Variants in JAM3 observed in about 807,000 individuals in gnomAD.
JAM3 encodes junctional adhesion molecule C.
Under a neutral mutation model 39.4 loss-of-function variants are expected in JAM3, and 31 were observed. The ratio of observed to expected loss-of-function variants is 0.79; its 90% CI spans 0.59 to 1.06. The LOEUF (loss-of-function observed/expected upper bound fraction) is 1.06, where lower values mean the gene tolerates loss of function less well. JAM3 is among the 50% of genes least tolerant of loss of function. JAM3 has a pLI of 0.00. For synonymous variants in JAM3, 182 were observed against 148.7 expected (o/e 1.22, Z -1.63); for missense variants, 455 against 391.4 (o/e 1.16, Z -1.37).
At chr11:134,103,547 A>C (rs1318657910) in intron 1 of JAM3, among the ~76,000 whole-genome samples, 1 of 152,222 alleles carries the variant, frequency 6.6e-6, no homozygotes, top group African/African-American at 2.4e-5. Flanking sequence ...TAAATGCTCC[A>C]ATTAAAAGAC....
At chr11:134,130,941 C>T (rs557966175) in intron 1 of JAM3, among the ~76,000 whole-genome samples, 21 of 152,136 alleles carry the variant, frequency 1.4e-4, no homozygotes, top group Non-Finnish European at 2.1e-4. Flanking sequence ...AACCTACAGA[C>T]GCCTGAAGAG....
At chr11:134,069,747 G>T (rs1048826829) in intron 1 of JAM3, among the ~76,000 whole-genome samples, 1 of 152,206 alleles carries the variant, frequency 6.6e-6, no homozygotes, top group Non-Finnish European at 1.5e-5. Context: ...AGCGGGGGAC[G>T]TAGCTGAGGA....
At chr11:134,119,081 G>A (rs1388876885) in intron 1 of JAM3, among the ~76,000 whole-genome samples, 1 of 151,214 alleles carries the variant, frequency 6.6e-6, no homozygotes, top group Admixed American at 6.6e-5. Flanking sequence ...CAAGCACATC[G>A]GCTAATTTTT....
At chr11:134,095,627 CAA>C (rs57776262) in intron 1 of JAM3, among the ~76,000 whole-genome samples, 1,572 of 137,262 alleles carry the variant, frequency 0.011, 22 homozygotes, top group African/African-American at 0.037. Context: ...GAGACTCTGT[CAA>C]AAAAAAAAAA....
At chr11:134,095,399 A>G (rs1375164472) in intron 1 of JAM3, among the ~76,000 whole-genome samples, 2 of 152,174 alleles carry the variant, frequency 1.3e-5, no homozygotes, top group East Asian at 3.9e-4. Flanking sequence ...TGGGAGGCTG[A>G]GGCAGGCAGA....
intron 1 of JAM3, among the ~76,000 whole-genome samples, chr11:134,094,739 A>G (rs532517223): frequency 3.0e-4 from 45 of 152,346 alleles, no homozygotes; most frequent in African/African-American, 1.1e-3. Flanking sequence ...CTTTTATAGT[A>G]TTTATTGCAA....
At chr11:134,070,058 C>G (rs1173438477) in intron 1 of JAM3, 8 of 417,926 alleles carry the variant, frequency 1.9e-5, no homozygotes, top group Non-Finnish European at 3.3e-5. Context: ...GTACAGAGGA[C>G]TAAAATAGCT....
intron 1 of JAM3, among the ~76,000 whole-genome samples, chr11:134,077,019 G>A (rs1043680967): frequency 2.0e-5 from 3 of 152,010 alleles, no homozygotes; most frequent in Non-Finnish European, 4.4e-5. Flanking sequence ...ATTTTTAGTA[G>A]AGACAGGGTT....
At chr11:134,081,375 G>T (rs369428184) in intron 1 of JAM3, among the ~76,000 whole-genome samples, 1 of 152,116 alleles carries the variant, frequency 6.6e-6, no homozygotes, top group African/African-American at 2.4e-5. Context: ...GGAGGCCTAG[G>T]AGGAAAAAGT....
intron 3 of JAM3, among the ~76,000 whole-genome samples, chr11:134,142,835 T>C (rs1487835961): frequency 6.6e-6 from 1 of 152,208 alleles, no homozygotes; most frequent in African/African-American, 2.4e-5. Flanking sequence ...TTGCCTGTTC[T>C]GGACACTGGA....
chr11:134,124,910 G>A (rs923372320), intron 1 of JAM3, among the ~76,000 whole-genome samples: 8 of 152,352 alleles, frequency 5.3e-5, no homozygotes, highest in Middle Eastern at 3.4e-3. Flanking sequence ...GCTGGCGAGC[G>A]GGGACCGGGC....
At chr11:134,095,823 A>G (rs1045807547) in intron 1 of JAM3, among the ~76,000 whole-genome samples, 1 of 152,186 alleles carries the variant, frequency 6.6e-6, no homozygotes, top group African/African-American at 2.4e-5. Flanking sequence ...GACATCTTAA[A>G]CATAACAAAC....
intron 1 of JAM3, among the ~76,000 whole-genome samples, chr11:134,080,647 TTAAGTC>T (rs1337731510): frequency 1.3e-5 from 2 of 152,198 alleles, no homozygotes; most frequent in African/African-American, 4.8e-5. Flanking sequence ...GTGGAACTGT[TTAAGTC>T]TAATAAACCT....
chr11:134,095,472 A>G (rs1941962375), intron 1 of JAM3, among the ~76,000 whole-genome samples: 1 of 152,134 alleles, frequency 6.6e-6, no homozygotes, highest in African/African-American at 2.4e-5. Context: ...TCTACTAAAA[A>G]TACAAAAAAT....
At chr11:134,135,771 A>T (rs1323283884) in intron 1 of JAM3, among the ~76,000 whole-genome samples, 1 of 152,098 alleles carries the variant, frequency 6.6e-6, no homozygotes. Context: ...TAAGAGATAA[A>T]TAAAAGCTGT....
At chr11:134,086,860 A>G (rs762728625) in intron 1 of JAM3, among the ~76,000 whole-genome samples, 1 of 152,008 alleles carries the variant, frequency 6.6e-6, no homozygotes, top group Non-Finnish European at 1.5e-5. Flanking sequence ...CTGTCTCCCA[A>G]GCTGGAGAAC....
chr11:134,086,353 A>G (rs1002887519), intron 1 of JAM3, among the ~76,000 whole-genome samples: 3 of 151,964 alleles, frequency 2.0e-5, no homozygotes, highest in Non-Finnish European at 2.9e-5. Context: ...TTTAAAATCT[A>G]TTTTCCTATA....
chr11:134,119,371 A>G (rs984593632), intron 1 of JAM3, among the ~76,000 whole-genome samples: 4 of 152,246 alleles, frequency 2.6e-5, no homozygotes, highest in Admixed American at 1.3e-4. Context: ...CTCAGCTTTT[A>G]GGATCGCCAC....
At chr11:134,105,252 C>T (rs962819055) in intron 1 of JAM3, among the ~76,000 whole-genome samples, 2 of 152,150 alleles carry the variant, frequency 1.3e-5, no homozygotes, top group African/African-American at 2.4e-5. Flanking sequence ...AAGACAAAAA[C>T]CACATGATTA....
Sources: gnomAD v4.1 joint callset for allele counts (sites outside exome capture counted in the v4.1 genomes callset) on GRCh38, gnomAD v4.1.1 for gene constraint, MANE v1.5 for transcripts, NCBI Gene and HGNC (gene_info 2026-07-23, HGNC 2026-07-21) for gene names.